Variants in LGR5 observed in about 807,000 individuals in gnomAD.
LGR5 encodes the protein leucine-rich repeat-containing G protein-coupled receptor 5.
Under a neutral mutation model 76.7 loss-of-function variants are expected in LGR5, and 54 were observed. The observed-to-expected ratio is 0.70, with a 90% confidence interval of 0.57 to 0.88. The LOEUF (loss-of-function observed/expected upper bound fraction) is 0.88, where lower values mean the gene tolerates loss of function less well. LGR5 is among the 40% of genes least tolerant of loss of function. LGR5 has a pLI of 0.00. For synonymous variants in LGR5, 406 were observed against 421.9 expected, an observed-to-expected ratio of 0.96 and a Z score of 0.46; for missense variants, 1,078 against 1,073.3, an observed-to-expected ratio of 1.00 and a Z score of -0.06.
intron 1 of LGR5, chr12:71,448,495 T>G (rs1298648855): frequency 6.6e-6 from 1 of 152,250 alleles, no homozygotes; most frequent in Non-Finnish European, 1.5e-5. Flanking sequence ...CAATGTTATT[T>G]TAATGAGTTT....
At chr12:71,477,520 A>T (rs1469864995) in intron 1 of LGR5, among the ~76,000 whole-genome samples, 1 of 150,564 alleles carries the variant, frequency 6.6e-6, no homozygotes, top group Non-Finnish European at 1.5e-5. Context: ...TAAAATATAC[A>T]TTGTACATAT....
intron 2 of LGR5, among the ~76,000 whole-genome samples, chr12:71,523,727 A>G (rs1048364952): frequency 1.3e-4 from 20 of 152,164 alleles, no homozygotes; most frequent in Admixed American, 1.2e-3. Context: ...CACCTTGGCT[A>G]TCTTCTACTT....
At position 71,521,135 on chromosome 12, in the gene LGR5, G is replaced by A. The variant is rs563412340; in HGVS notation, c.285-3271G>A. Among the ~76,000 whole-genome samples, 6 of 152,284 alleles carry A rather than the reference G, an allele frequency of 3.9e-5. No individual in the cohort carries two copies. In the South Asian group the frequency reaches 1.0e-3, roughly 26 times the overall value. The stretch of plus-strand genomic sequence containing the variant: ...AATTGCAAGCTAACAATAGGAAGAC[G>A]AAAGGGAAATAAAGCAGAGAGACAG... On this transcript the variant is annotated intron_variant, in intron 2 of 17. Coordinates refer to ENST00000266674, the MANE Select transcript of LGR5 (RefSeq NM_003667.4).
rs766319723 is a variant in LGR5 at position 71,584,258 on chromosome 12, A to C, written c.2248A>C (p.Asn750His). Residue 750 changes from asparagine (N) to histidine (H), a missense_variant, in exon 18 of 18, where the codon AAT becomes CAT. Coordinates refer to ENST00000266674, the MANE Select transcript of LGR5 (RefSeq NM_003667.4). ...MTIAYTKLYC[N>H]LDKGDLENIW... is the part of the protein sequence containing the mutation. ...CATTGCCTACACCAAGCTCTACTGC[A>C]ATTTGGACAAGGGAGACCTGGAGAA... 11 of 1,614,194 alleles carry C rather than the reference A, an allele frequency of 6.8e-6. No homozygotes were observed. The highest frequency in any genetic ancestry group is 9.3e-6 in the Non-Finnish European group (11 of 1,180,040).
At position 71,525,061 on chromosome 12, in the gene LGR5, T is replaced by C. The variant is rs144551096; in HGVS notation, c.356+584T>C. Reference sequence around the variant, plus strand: ...TTGTTTATCAGAAAAATCATTATTATTGAATACTTCCTTCTTCTGGTACCC... The same window carrying C: ...TTGTTTATCAGAAAAATCATTATTACTGAATACTTCCTTCTTCTGGTACCC... On this transcript the variant is annotated intron_variant, in intron 3 of 17. Coordinates refer to ENST00000266674, the MANE Select transcript of LGR5 (RefSeq NM_003667.4). 1.5e-3 allele frequency among the ~76,000 whole-genome samples: 225 copies of C among 152,308 alleles called. 1 individual carries two copies. Among genetic ancestry groups the C allele is most frequent in the African/African-American group, 5.2e-3 (217 of 41,572 alleles).
At chr12:71,510,548 A>G (rs1875099747) in intron 2 of LGR5, among the ~76,000 whole-genome samples, 1 of 152,164 alleles carries the variant, frequency 6.6e-6, no homozygotes, top group Non-Finnish European at 1.5e-5. Flanking sequence ...CATATTTATG[A>G]AGCCACTAAG....
rs964806748 is a variant in LGR5, at chr12:71,506,134, A to C, written c.284+1449A>C. On this transcript the variant is annotated intron_variant, in intron 2 of 17. Transcript: ENST00000266674. ...ACATTTTTAAAGGTTATTTTAAATA[A>C]TTTTCAAACATCAGAATTTTAAAAA... Among the ~76,000 whole-genome samples, 9 of 152,254 alleles carry C rather than the reference A, an allele frequency of 5.9e-5. No individual in the cohort carries two copies. In the East Asian group the frequency reaches 1.5e-3, roughly 26 times the overall value.
intron 16 of LGR5, among the ~76,000 whole-genome samples, chr12:71,581,758 A>G (rs1879101327): frequency 6.6e-6 from 1 of 152,228 alleles, no homozygotes; most frequent in Admixed American, 6.5e-5. Context: ...CTAGGCCTTG[A>G]AAGTACACAA....
At chr12:71,562,676 C>T (rs1291045917) in intron 8 of LGR5, among the ~76,000 whole-genome samples, 2 of 152,078 alleles carry the variant, frequency 1.3e-5, no homozygotes, top group African/African-American at 4.8e-5. Context: ...GAGGCTGGCT[C>T]TTAGACAAAA....
intron 1 of LGR5, among the ~76,000 whole-genome samples, chr12:71,467,321 A>G (rs1324526218): frequency 6.6e-6 from 1 of 152,168 alleles, no homozygotes; most frequent in Non-Finnish European, 1.5e-5. Flanking sequence ...AGTGAAGATA[A>G]TTGTACATTT....
At chr12:71,528,094 A>C (rs1452807295) in intron 3 of LGR5, among the ~76,000 whole-genome samples, 2 of 152,254 alleles carry the variant, frequency 1.3e-5, no homozygotes, top group Non-Finnish European at 2.9e-5. Flanking sequence ...TAATTAAATA[A>C]GTAACTTAGT....
intron 2 of LGR5, among the ~76,000 whole-genome samples, chr12:71,507,423 ATGTGTC>A (rs1874910900): frequency 6.6e-6 from 1 of 152,192 alleles, no homozygotes; most frequent in Admixed American, 6.5e-5. Flanking sequence ...GTGTGTATAT[ATGTGTC>A]TGTGTCTGTG....
chr12:71,440,433 T>A lies in LGR5; in HGVS notation c.212+141T>A. 1.3e-6 allele frequency: 1 copy of A among 747,886 alleles called. No homozygotes were observed. The highest frequency in any genetic ancestry group is 2.2e-6 in the Non-Finnish European group (1 of 445,640). 46.3% of individuals were successfully genotyped at this position (747,886 alleles called of 1,614,324 possible). A position where few individuals can be genotyped will look rare whatever the true frequency, so the allele number is the denominator to read the frequency against. Reference sequence around the variant, plus strand: ...TTGTCAAGGGCATCCTGGCCAGGCCTGTTAGGGCCCCCAGAGAAATGCACG... The same window carrying A: ...TTGTCAAGGGCATCCTGGCCAGGCCAGTTAGGGCCCCCAGAGAAATGCACG... On this transcript the variant is annotated intron_variant, in intron 1 of 17. Transcript: ENST00000266674. The surrounding 1 kb of genome is among the most constrained non-coding windows in gnomAD (Gnocchi z 5.3).
At chr12:71,468,268 T>C (rs907170348) in intron 1 of LGR5, among the ~76,000 whole-genome samples, 7 of 152,218 alleles carry the variant, frequency 4.6e-5, no homozygotes, top group Non-Finnish European at 1.0e-4. Context: ...TTTGCACTGA[T>C]TGCACTTGAT....
Position 71,584,856 on chromosome 12 carries a change from T to C in LGR5, c.*122T>C, listed in dbSNP as rs1026228544. Reference sequence around the variant, plus strand: ...ACTCGGTTTAAAAACCAAAAAAGAATCTCTCAGTTAGTAAGAAAAGGCTGA... The same window carrying C: ...ACTCGGTTTAAAAACCAAAAAAGAACCTCTCAGTTAGTAAGAAAAGGCTGA... On this transcript the variant is annotated 3_prime_UTR_variant, in exon 18 of 18. Coordinates refer to ENST00000266674, the MANE Select transcript of LGR5 (RefSeq NM_003667.4). 1 of 989,976 alleles carries C rather than the reference T, an allele frequency of 1.0e-6. No individual in the cohort carries two copies. Among genetic ancestry groups the C allele is most frequent in the Non-Finnish European group, 1.5e-6 (1 of 672,412 alleles). The allele number at this position is 989,976 out of a possible 1,614,324, so 61.3% of individuals were successfully genotyped here.
chr12:71,566,788 G>A, intron 10 of LGR5, 53 bp from the exon 11 acceptor site: 1 of 1,582,644 alleles, frequency 6.3e-7, no homozygotes, highest in Non-Finnish European at 8.7e-7. Flanking sequence ...GTCAAAATAT[G>A]TCACTGTGTG....
At chr12:71,449,925 A>G (rs1217506742) in intron 1 of LGR5, among the ~76,000 whole-genome samples, 2 of 152,244 alleles carry the variant, frequency 1.3e-5, no homozygotes, top group Non-Finnish European at 2.9e-5. Flanking sequence ...TTGCTAGAGC[A>G]TTACCCTAAT....
chr12:71,549,278 G>T lies in LGR5; in HGVS notation c.429-3795G>T, dbSNP rs150944337. ...AGAAGCAGAGTGTAGAATAGTGGTCGCCAGGGGCTGGGAGTGGGAGTGGTT... is the reference window on the plus strand; with the variant it reads ...AGAAGCAGAGTGTAGAATAGTGGTCTCCAGGGGCTGGGAGTGGGAGTGGTT... On this transcript the variant is annotated intron_variant, in intron 4 of 17. Coordinates refer to ENST00000266674, the MANE Select transcript of LGR5 (RefSeq NM_003667.4). 7.5e-3 allele frequency among the ~76,000 whole-genome samples: 994 copies of T among 132,540 alleles called. 5 individuals carry two copies. The highest frequency in any genetic ancestry group is 0.013 in the Non-Finnish European group (754 of 59,518). 87.0% of individuals were successfully genotyped at this position (132,540 alleles called of 152,430 possible). A position where few individuals can be genotyped will look rare whatever the true frequency, so the allele number is the denominator to read the frequency against.
chr12:71,491,066 C>T (rs1403965866), intron 1 of LGR5, among the ~76,000 whole-genome samples: 1 of 152,138 alleles, frequency 6.6e-6, no homozygotes, highest in Non-Finnish European at 1.5e-5. Context: ...GGGCAGTTCC[C>T]CTGCACATGC....
Sources: gnomAD v4.1 joint callset for allele counts (sites outside exome capture counted in the v4.1 genomes callset) on GRCh38, gnomAD v4.1.1 for gene constraint, Gnocchi (gnomAD v3.1) non-coding constraint, MANE v1.5 for transcripts, NCBI Gene and HGNC (gene_info 2026-07-23, HGNC 2026-07-21) for gene names.